Variants in HOMER2 observed in about 807,000 individuals in gnomAD.
HOMER2 encodes the protein homer protein homolog 2.
In HOMER2, 27 loss-of-function variants were observed where a neutral mutation model predicts 47.0. The ratio of observed to expected loss-of-function variants is 0.57; its 90% CI spans 0.42 to 0.79. The LOEUF (loss-of-function observed/expected upper bound fraction) is 0.79. Among genes scored for constraint, HOMER2 ranks in the 30% least tolerant of loss-of-function variants. The pLI is 0.00. For synonymous variants in HOMER2, 161 were observed against 163.8 expected (o/e 0.98, Z 0.13); for missense variants, 443 against 435.0 (o/e 1.02, Z -0.16).
chr15:82,893,335 T>TC (rs2052781435), intron 1 of HOMER2, among the ~76,000 whole-genome samples: 1 of 148,822 alleles, frequency 6.7e-6, no homozygotes, highest in African/African-American at 2.5e-5. Flanking sequence ...TTATCTTTTT[T>TC]TTTTTTTTTT....
intron 2 of HOMER2, among the ~76,000 whole-genome samples, chr15:82,875,905 AT>A (rs1287077767): frequency 6.6e-6 from 1 of 152,190 alleles, no homozygotes; most frequent in African/African-American, 2.4e-5. Flanking sequence ...AATTAGGATA[AT>A]TTGTGGAGGG....
chr15:82,935,884 C>T lies in HOMER2; in HGVS notation c.5+16647G>A, dbSNP rs111910423. Among the ~76,000 whole-genome samples the T allele has an allele frequency of 4.7e-4, 71 of 152,308 alleles. 1 individual carries two copies. Among genetic ancestry groups the T allele is most frequent in the African/African-American group, 1.7e-3 (71 of 41,568 alleles). ...CCTTGCTTCCTTCAACTGTTGTCCCCTTCCACTGCATCCCCCACAGAGCAG... is the reference window on the plus strand; with the variant it reads ...CCTTGCTTCCTTCAACTGTTGTCCCTTTCCACTGCATCCCCCACAGAGCAG... On this transcript the variant is annotated intron_variant, in intron 1 of 8. Transcript: ENST00000450735.
At chr15:82,952,390 C>T (rs1395045921) in intron 1 of HOMER2, 141 bp downstream of exon 1, 3 of 543,708 alleles carry the variant, frequency 5.5e-6, no homozygotes, top group South Asian at 8.7e-5. Context: ...CCCAGACTCC[C>T]GGGCGCAGAG....
chr15:82,906,643 A>G (rs1208988520), intron 1 of HOMER2, among the ~76,000 whole-genome samples: 1 of 152,186 alleles, frequency 6.6e-6, no homozygotes, highest in East Asian at 1.9e-4. Flanking sequence ...CATGTTGGTC[A>G]GGCTGGTCTT....
At chr15:82,839,129 T>C (rs1416772443) in exon 2 of HOMER2, 1 of 151,866 alleles carries the variant, frequency 6.6e-6, no homozygotes, top group East Asian at 1.9e-4. Context: ...TCTGGTGGAA[T>C]GAGTCTCTGA....
intron 1 of HOMER2, among the ~76,000 whole-genome samples, chr15:82,911,216 ATAAC>A (rs1278984965): frequency 6.6e-6 from 1 of 152,234 alleles, no homozygotes; most frequent in African/African-American, 2.4e-5. Flanking sequence ...TTCAAAAAGA[ATAAC>A]TGTGCTTTTA....
At chr15:82,893,734 G>A (rs1476299194) in intron 1 of HOMER2, among the ~76,000 whole-genome samples, 2 of 150,950 alleles carry the variant, frequency 1.3e-5, no homozygotes, top group Non-Finnish European at 1.5e-5. Context: ...AAGCAATTCT[G>A]CCTCAGCCTC....
At position 82,851,174 on chromosome 15, in the gene HOMER2, C is replaced by T. The variant is rs778830215; in HGVS notation, c.820G>A (p.Glu274Lys). 2.0e-5 allele frequency: 32 copies of T among 1,578,866 alleles called. No homozygotes were observed. Among genetic ancestry groups the T allele is most frequent in the African/African-American group, 2.7e-5 (2 of 74,356 alleles). ...EIIPQLMSEC[E>K]YVSEKLEAAE... ...ACCTCTAGCTTCTCAGAGACATATTCGCACTCTGACATGAGCTGAGGTATG... is the reference window on the plus strand; with the variant it reads ...ACCTCTAGCTTCTCAGAGACATATTTGCACTCTGACATGAGCTGAGGTATG... The change falls in exon 8 of 9, where the codon GAA (glutamate) becomes AAA (lysine). Residue 274 changes from glutamate to lysine, a missense_variant. Physicochemically the swap from Glu to Lys is moderately conservative, Grantham distance 56. Transcript: ENST00000450735.
chr15:82,908,738 CTT>C lies in HOMER2; in HGVS notation c.6-15899_6-15898del, dbSNP rs139147445. Among the ~76,000 whole-genome samples the C allele has an allele frequency of 4.0e-3, 534 of 134,430 alleles. 6 individuals are homozygous for C. The highest frequency in any genetic ancestry group is 0.013 in the African/African-American group (497 of 37,668). The allele number at this position is 134,430 out of a possible 152,430, so 88.2% of individuals were successfully genotyped here. A position where few individuals can be genotyped will look rare whatever the true frequency, so the allele number is the denominator to read the frequency against. The stretch of plus-strand genomic sequence containing the variant: ...GTTTTTCTTTTAGTCAGCTGTTTTG[CTT>C]TTTTTTTAAAAAAAAAAAAAGATCA... On this transcript the variant is annotated intron_variant, in intron 1 of 8. Transcript: ENST00000450735.
downstream of HOMER2, chr15:82,834,945 AGGGAAG>A (rs910689777): frequency 3.9e-5 from 6 of 152,332 alleles, no homozygotes; most frequent in South Asian, 1.0e-3. Flanking sequence ...TTTTAAAATC[AGGGAAG>A]GGGAAGGGAC....
At chr15:82,968,874 A>G (rs2029889554) in intron 1 of HOMER2, among the ~76,000 whole-genome samples, 1 of 152,194 alleles carries the variant, frequency 6.6e-6, no homozygotes, top group Non-Finnish European at 1.5e-5. Flanking sequence ...TCACAGCCAG[A>G]CTATCTGGAA....
intron 1 of HOMER2, among the ~76,000 whole-genome samples, chr15:82,945,644 T>C (rs2054358842): frequency 6.6e-6 from 1 of 152,082 alleles, no homozygotes; most frequent in African/African-American, 2.4e-5. Context: ...GCAAAGCTAT[T>C]TTCCTTTTGT....
chr15:82,935,365 TG>T (rs899524351), intron 1 of HOMER2, among the ~76,000 whole-genome samples: 3 of 152,078 alleles, frequency 2.0e-5, no homozygotes, highest in Middle Eastern at 3.2e-3. Flanking sequence ...CACACCTCAC[TG>T]GCCACTCCTC....
chr15:82,985,956 A>G (rs1567083153), upstream of HOMER2: 1 of 545,294 alleles, frequency 1.8e-6, no homozygotes, highest in Non-Finnish European at 2.3e-6. Context: ...TTCCGTCTCT[A>G]CCCGTCACCT....
upstream of HOMER2, among the ~76,000 whole-genome samples, chr15:82,956,239 CAAAA>C (rs34193575): frequency 5.4e-5 from 5 of 92,022 alleles, no homozygotes; most frequent in Admixed American, 2.4e-4. Flanking sequence ...GACTCCATCT[CAAAA>C]AAAAAAAAAA....
chr15:82,859,934 T>C (rs1661667745), intron 4 of HOMER2, among the ~76,000 whole-genome samples: 1 of 151,970 alleles, frequency 6.6e-6, no homozygotes, highest in Admixed American at 6.6e-5. Context: ...GATGGGAATA[T>C]ATACAGCAGT....
intron 2 of HOMER2, among the ~76,000 whole-genome samples, chr15:82,877,405 G>T (rs2052387317): frequency 6.6e-6 from 1 of 152,076 alleles, no homozygotes; most frequent in South Asian, 2.1e-4. Flanking sequence ...CCTGACCTCA[G>T]GTGATCCGCC....
intron 1 of HOMER2, among the ~76,000 whole-genome samples, chr15:82,942,991 G>A (rs2054297593): frequency 6.6e-6 from 1 of 152,186 alleles, no homozygotes; most frequent in East Asian, 1.9e-4. Context: ...GACTCAGAGA[G>A]TGCCCAAGGG....
chr15:82,942,794 C>T (rs754863788), intron 1 of HOMER2, among the ~76,000 whole-genome samples: 16 of 152,036 alleles, frequency 1.1e-4, no homozygotes, highest in East Asian at 1.9e-4. Context: ...CCGGCCTTCC[C>T]GATCCTCTGG....
Sources: gnomAD v4.1 joint callset for allele counts (sites outside exome capture counted in the v4.1 genomes callset) on GRCh38, gnomAD v4.1.1 for gene constraint, MANE v1.5 for transcripts, NCBI Gene and HGNC (gene_info 2026-07-23, HGNC 2026-07-21) for gene names.